The following MCPH1 variants were observed in gnomAD, a reference collection of about 807,000 sequenced individuals.
MCPH1 encodes the protein microcephalin.
In MCPH1, 104 loss-of-function variants were observed where a neutral mutation model predicts 84.5. The observed-to-expected ratio is 1.23, with a 90% CI of 1.05 to 1.45. The LOEUF is 1.45. Among genes scored for constraint, MCPH1 ranks in the 40% most tolerant of loss-of-function variants. The probability of loss-of-function intolerance (pLI) is 0.00; values close to 1 mark genes in which losing one functional copy is unlikely to be tolerated. For synonymous variants in MCPH1, 514 were observed against 366.8 expected (o/e 1.40, Z -4.58); for missense variants, 1,498 against 1,005.7 (o/e 1.49, Z -6.62).
intron 12 of MCPH1, among the ~76,000 whole-genome samples, chr8:6,525,838 C>A (rs1818226265): frequency 6.6e-6 from 1 of 152,128 alleles, no homozygotes; most frequent in Non-Finnish European, 1.5e-5. Context: ...GCTTATTCTT[C>A]CTACAGGCAT....
At chr8:6,499,024 C>T (rs1460086545) in intron 11 of MCPH1, among the ~76,000 whole-genome samples, 1 of 150,978 alleles carries the variant, frequency 6.6e-6, no homozygotes, top group Non-Finnish European at 1.5e-5. Flanking sequence ...TGCACTCCAG[C>T]CTGGATGACA....
intron 12 of MCPH1, chr8:6,527,699 C>G (rs369392764): frequency 5.1e-6 from 8 of 1,573,634 alleles, no homozygotes; most frequent in Non-Finnish European, 6.9e-6. Flanking sequence ...AAATGAAGTT[C>G]CTATTAATTA....
At chr8:6,434,832 A>G (rs1802408870) in intron 4 of MCPH1, among the ~76,000 whole-genome samples, 1 of 152,192 alleles carries the variant, frequency 6.6e-6, no homozygotes, top group Non-Finnish European at 1.5e-5. Flanking sequence ...TAGACAGATG[A>G]CTTAAATTTC....
At chr8:6,640,635 C>G (rs1797882085) in intron 13 of MCPH1, among the ~76,000 whole-genome samples, 1 of 152,150 alleles carries the variant, frequency 6.6e-6, no homozygotes, top group Non-Finnish European at 1.5e-5. Context: ...TTTAGCTGTG[C>G]TTATGGTGTC....
chr8:6,572,957 G>A (rs1385387955), intron 12 of MCPH1, among the ~76,000 whole-genome samples: 2 of 152,208 alleles, frequency 1.3e-5, no homozygotes, highest in African/African-American at 4.8e-5. Flanking sequence ...AACATACTCT[G>A]CCCTTTCTCC....
intron 12 of MCPH1, among the ~76,000 whole-genome samples, chr8:6,551,455 T>C (rs1025209702): frequency 6.6e-6 from 1 of 152,228 alleles, no homozygotes; most frequent in Non-Finnish European, 1.5e-5. Flanking sequence ...TATGTGTTTG[T>C]TATTACCCAG....
At chr8:6,640,330 G>C (rs1797862600) in intron 13 of MCPH1, among the ~76,000 whole-genome samples, 1 of 152,000 alleles carries the variant, frequency 6.6e-6, no homozygotes, top group African/African-American at 2.4e-5. Flanking sequence ...GGTACATAAA[G>C]TCCTATTTCC....
intron 12 of MCPH1, among the ~76,000 whole-genome samples, chr8:6,576,896 T>C (rs1438608922): frequency 6.6e-6 from 1 of 151,924 alleles, no homozygotes; most frequent in Non-Finnish European, 1.5e-5. Flanking sequence ...CATCTGTGCA[T>C]TCATCTCAGC....
chr8:6,488,922 C>A (rs562582277), intron 11 of MCPH1, among the ~76,000 whole-genome samples: 1 of 151,620 alleles, frequency 6.6e-6, no homozygotes, highest in East Asian at 1.9e-4. Flanking sequence ...AGCAGGTCGG[C>A]GCCCTTCCTA....
In MCPH1 at chr8:6,500,377, G is replaced by C. The variant is rs148991003; in HGVS notation, c.2214+448G>C. On this transcript the variant is annotated intron_variant, in intron 12 of 13. Transcript: ENST00000344683. ...TTCAAATGCTTCATTGAAAAGTTCT[G>C]GGTTCTAATTTTTTTTAAGATTAAG... 318 of 159,466 alleles carry C rather than the reference G, an allele frequency of 2.0e-3. 1 individual carries two copies. Among genetic ancestry groups the C allele is most frequent in the African/African-American group, 7.3e-3 (302 of 41,556 alleles). The allele number at this position is 159,466 out of a possible 1,614,324, so 9.9% of individuals were successfully genotyped here.
At chr8:6,453,659 G>C (rs1585863901) in intron 8 of MCPH1, among the ~76,000 whole-genome samples, 1 of 152,176 alleles carries the variant, frequency 6.6e-6, no homozygotes, top group Non-Finnish European at 1.5e-5. Context: ...GTAAATATTT[G>C]TTATTTAAAA....
chr8:6,417,024 G>A (rs1289680298), intron 3 of MCPH1, among the ~76,000 whole-genome samples: 1 of 151,254 alleles, frequency 6.6e-6, no homozygotes. Context: ...TCTGGCTTTT[G>A]TCAAGATTTT....
At chr8:6,466,361 G>C (rs893829313) in intron 9 of MCPH1, among the ~76,000 whole-genome samples, 8 of 150,790 alleles carry the variant, frequency 5.3e-5, no homozygotes, top group African/African-American at 1.7e-4. Flanking sequence ...AGGCTGGAGT[G>C]CAGTGGTGCC....
intron 9 of MCPH1, among the ~76,000 whole-genome samples, chr8:6,470,315 G>A (rs11986515): frequency 0.036 from 5,405 of 151,436 alleles, 297 homozygotes; most frequent in African/African-American, 0.12. Flanking sequence ...ACAAAGTCTC[G>A]CTCTGTCACC....
intron 4 of MCPH1, among the ~76,000 whole-genome samples, chr8:6,432,371 A>T (rs1001775172): frequency 3.3e-5 from 5 of 152,018 alleles, no homozygotes; most frequent in Admixed American, 2.0e-4. Flanking sequence ...TTTGTGTTAA[A>T]TTTTTTTTCT....
chr8:6,542,204 C>A (rs543395713), intron 12 of MCPH1, among the ~76,000 whole-genome samples: 1 of 152,054 alleles, frequency 6.6e-6, no homozygotes, highest in Admixed American at 6.6e-5. Flanking sequence ...AACAAAATGT[C>A]TCAGTGTTTT....
At position 6,648,131 on chromosome 8, in the gene MCPH1, C is replaced by T. The variant is rs563614790; in HGVS notation, c.*5082C>T. On this transcript the variant is annotated 3_prime_UTR_variant, in exon 14 of 14. Transcript: ENST00000344683. ...CTTTCTCTGCAGTCCCCAGCCAATA[C>T]GTGGGCACAGAAAGGCACAGGGCAT... 9 of 152,306 alleles carry T rather than the reference C, an allele frequency of 5.9e-5. No homozygotes were observed. The highest frequency in any genetic ancestry group is 4.2e-4 in the South Asian group (2 of 4,816). The allele number at this position is 152,306 out of a possible 1,614,324, so 9.4% of individuals were successfully genotyped here.
intron 3 of MCPH1, among the ~76,000 whole-genome samples, chr8:6,422,349 C>A (rs1227699552): frequency 6.6e-6 from 1 of 150,732 alleles, no homozygotes; most frequent in African/African-American, 2.4e-5. Flanking sequence ...TGAAAAAAAA[C>A]TACATTTTAA....
At chr8:6,436,455 A>T (rs1030008866) in intron 5 of MCPH1, among the ~76,000 whole-genome samples, 1 of 152,178 alleles carries the variant, frequency 6.6e-6, no homozygotes, top group Non-Finnish European at 1.5e-5. Context: ...AATAAGCATT[A>T]TTGAAATAAA....
Sources: gnomAD v4.1 joint callset for allele counts (sites outside exome capture counted in the v4.1 genomes callset) on GRCh38, gnomAD v4.1.1 for gene constraint, MANE v1.5 for transcripts, NCBI Gene and HGNC (gene_info 2026-07-23, HGNC 2026-07-21) for gene names.